ASTN1: variants seen among roughly 807,000 people sequenced by gnomAD.
ASTN1 encodes the protein astrotactin 1.
A neutral mutation model predicts 140.7 loss-of-function variants in ASTN1; 41 were observed. That is an observed-to-expected ratio of 0.29 (90% CI 0.23 to 0.38). ASTN1 has a LOEUF of 0.38. Ranked by LOEUF, ASTN1 falls within the 10% of genes least tolerant of loss-of-function variation. ASTN1 has a pLI of 1.00. For missense variants in ASTN1, 1,479 were observed against 1,678.8 expected, an observed-to-expected ratio of 0.88 and a Z score of 2.08; for synonymous variants, 640 against 652.2, an observed-to-expected ratio of 0.98 and a Z score of 0.29.
At chr1:176,887,672 G>A (rs1420011741) in intron 18 of ASTN1, among the ~76,000 whole-genome samples, 1 of 152,076 alleles carries the variant, frequency 6.6e-6, no homozygotes, top group Non-Finnish European at 1.5e-5. Flanking sequence ...GAGTGGTTAT[G>A]TTTTTGGTCT....
intron 19 of ASTN1, among the ~76,000 whole-genome samples, chr1:176,883,231 CT>C (rs55903122): frequency 0.025 from 3,243 of 130,486 alleles, 37 homozygotes; most frequent in African/African-American, 0.062. Context: ...CTGAGAGCTT[CT>C]TTTTTTTTTT....
intron 7 of ASTN1, 150 bp downstream of exon 7, chr1:177,023,254 C>A (rs539102094): frequency 2.0e-6 from 2 of 977,942 alleles, no homozygotes; most frequent in Non-Finnish European, 1.5e-6. Context: ...ATAAGCTCTG[C>A]GGCCCAACCA....
intron 16 of ASTN1, among the ~76,000 whole-genome samples, chr1:176,902,066 T>C (rs545727964): frequency 1.1e-3 from 173 of 152,316 alleles, no homozygotes; most frequent in African/African-American, 3.9e-3. Flanking sequence ...CTATAGGTAC[T>C]GTAAGGTCCA....
chr1:176,869,049 A>G (rs762583267), intron 21 of ASTN1, 22 bp from the exon 22 acceptor site: 1 of 1,528,094 alleles, frequency 6.5e-7, no homozygotes, highest in Non-Finnish European at 8.9e-7. Context: ...GGAAAAGGAA[A>G]ATAAGTTATT....
chr1:177,014,459 G>A (rs189568143), intron 8 of ASTN1, among the ~76,000 whole-genome samples: 1 of 152,164 alleles, frequency 6.6e-6, no homozygotes, highest in African/African-American at 2.4e-5. Context: ...GTGGCTTCAT[G>A]TGTCTCCAAC....
chr1:177,043,252 G>A (rs1010653975), intron 2 of ASTN1, among the ~76,000 whole-genome samples: 2 of 152,152 alleles, frequency 1.3e-5, no homozygotes, highest in African/African-American at 4.8e-5. Flanking sequence ...GGAGACCTAA[G>A]AAGAACAATA....
intron 5 of ASTN1, 84 bp downstream of exon 5, chr1:177,029,550 A>C: frequency 7.1e-7 from 1 of 1,409,886 alleles, no homozygotes; most frequent in Non-Finnish European, 9.9e-7. Context: ...AGAGCCCACA[A>C]CCCAACCCAA....
chr1:176,889,980 T>C (rs6679170), intron 17 of ASTN1, among the ~76,000 whole-genome samples: 127,264 of 152,176 alleles, frequency 0.84, 53,377 homozygotes, highest in Middle Eastern at 0.95. Flanking sequence ...GGAAAACAGA[T>C]GTCCTTTGAG....
In ASTN1 at chr1:177,082,353, C is replaced by T. The variant is rs544120472; in HGVS notation, c.284-21088G>A. Reference sequence around the variant, plus strand: ...TTAAATGAGAGGGATGGGCTCCATGCTTTCTTAGGCTCCTTTCACCTCTAA... The same window carrying T: ...TTAAATGAGAGGGATGGGCTCCATGTTTTCTTAGGCTCCTTTCACCTCTAA... On this transcript the variant is annotated intron_variant, in intron 1 of 22. Coordinates refer to ENST00000361833, the MANE Select transcript of ASTN1 (RefSeq NM_004319.3). 7.2e-5 allele frequency among the ~76,000 whole-genome samples: 11 copies of T among 152,256 alleles called. 1 individual carries two copies. The South Asian group carries it at 1.7e-3, about 23-fold the overall frequency.
chr1:177,038,497 G>A (rs1350863624), intron 2 of ASTN1, among the ~76,000 whole-genome samples: 1 of 151,958 alleles, frequency 6.6e-6, no homozygotes, highest in Non-Finnish European at 1.5e-5. Context: ...AAGAAGGAAG[G>A]GAAGGAGGGA....
At chr1:177,074,324 C>CAT (rs781088998) in intron 1 of ASTN1, among the ~76,000 whole-genome samples, 3 of 152,144 alleles carry the variant, frequency 2.0e-5, no homozygotes, top group Non-Finnish European at 4.4e-5. Flanking sequence ...GATTGTTAAT[C>CAT]ATATTGCTTT....
chr1:176,957,496 C>T (rs530093049), intron 11 of ASTN1, among the ~76,000 whole-genome samples, 182 bp downstream of exon 11: 9 of 152,004 alleles, frequency 5.9e-5, no homozygotes, highest in Admixed American at 3.9e-4. Flanking sequence ...AACAACTTCT[C>T]GACTAACTGA....
chr1:177,090,052 C>T (rs553504993), intron 1 of ASTN1, among the ~76,000 whole-genome samples: 16 of 151,924 alleles, frequency 1.1e-4, no homozygotes, highest in African/African-American at 2.9e-4. Flanking sequence ...TCAGTGCCAC[C>T]GTCATCAATA....
chr1:176,961,721 T>C (rs772539939), intron 9 of ASTN1, among the ~76,000 whole-genome samples: 2 of 152,164 alleles, frequency 1.3e-5, no homozygotes, highest in Non-Finnish European at 2.9e-5. Context: ...AAACCAAATA[T>C]AGAACAAACT....
intron 21 of ASTN1, among the ~76,000 whole-genome samples, chr1:176,871,011 G>T (rs2103014476): frequency 6.6e-6 from 1 of 152,292 alleles, no homozygotes; most frequent in Admixed American, 6.5e-5. Context: ...AGTCAAAACT[G>T]AAAACTATGA....
At chr1:177,155,004 A>G (rs753449011) in intron 1 of ASTN1, among the ~76,000 whole-genome samples, 1 of 152,216 alleles carries the variant, frequency 6.6e-6, no homozygotes, top group Non-Finnish European at 1.5e-5. Flanking sequence ...TACTTCATGC[A>G]ATGGAATATT....
At chr1:177,150,336 G>T (rs955532946) in intron 1 of ASTN1, among the ~76,000 whole-genome samples, 1 of 150,806 alleles carries the variant, frequency 6.6e-6, no homozygotes, top group African/African-American at 2.4e-5. Flanking sequence ...TACACAAACA[G>T]GAGAATCTAC....
intron 1 of ASTN1, among the ~76,000 whole-genome samples, chr1:177,157,445 A>T (rs1558137154): frequency 6.6e-6 from 1 of 151,690 alleles, no homozygotes; most frequent in East Asian, 1.9e-4. Flanking sequence ...CTCCCAAGTA[A>T]CTGGGACTAC....
At chr1:177,107,238 G>A (rs1024205068) in intron 1 of ASTN1, among the ~76,000 whole-genome samples, 1 of 151,920 alleles carries the variant, frequency 6.6e-6, no homozygotes, top group Non-Finnish European at 1.5e-5. Context: ...GCTGGTAGAG[G>A]GTTCATAGCT....
Sources: allele counts gnomAD v4.1 joint callset (sites outside exome capture counted in the v4.1 genomes callset), GRCh38; gene constraint gnomAD v4.1.1; transcripts MANE v1.5; gene names NCBI Gene and HGNC (gene_info 2026-07-23, HGNC 2026-07-21).